PDE11A: variants seen among roughly 807,000 people sequenced by gnomAD.
The protein encoded by PDE11A is phosphodiesterase 11A.
A neutral mutation model predicts 100.5 loss-of-function variants in PDE11A; 100 were observed. That is an observed-to-expected ratio of 1.00 (90% CI 0.85 to 1.18). The LOEUF (loss-of-function observed/expected upper bound fraction) is 1.18. Among genes scored for constraint, PDE11A ranks in the 50% most tolerant of loss-of-function variants. PDE11A has a pLI of 0.00. For synonymous variants in PDE11A, 381 were observed against 420.8 expected (o/e 0.91, Z 1.16); for missense variants, 1,141 against 1,152.6 (o/e 0.99, Z 0.15).
intron 2 of PDE11A, among the ~76,000 whole-genome samples, chr2:177,921,126 A>G (rs935194521): frequency 2.8e-4 from 42 of 151,088 alleles, no homozygotes; most frequent in Admixed American, 2.4e-3. Flanking sequence ...GAAAGAAATC[A>G]TAATGTACAA....
intron 3 of PDE11A, among the ~76,000 whole-genome samples, chr2:177,898,584 T>C (rs1448027671): frequency 1.3e-5 from 2 of 152,168 alleles, no homozygotes; most frequent in East Asian, 3.8e-4. Flanking sequence ...CTTACCAAAA[T>C]TGTTTGGTAA....
chr2:177,964,801 T>C (rs2085678217), intron 2 of PDE11A, among the ~76,000 whole-genome samples: 1 of 152,200 alleles, frequency 6.6e-6, no homozygotes, highest in African/African-American at 2.4e-5. Flanking sequence ...TTCTGTATCT[T>C]TGTTGTTGTG....
intron 2 of PDE11A, among the ~76,000 whole-genome samples, chr2:178,094,157 A>G (rs1316610317): frequency 6.6e-6 from 1 of 151,872 alleles, no homozygotes; most frequent in Admixed American, 6.6e-5. Flanking sequence ...GAAAATACAC[A>G]CAATACACAC....
chr2:177,697,713 G>T (rs1444559070), intron 14 of PDE11A, among the ~76,000 whole-genome samples: 2 of 152,090 alleles, frequency 1.3e-5, no homozygotes, highest in African/African-American at 4.8e-5. Context: ...AATATGTTGT[G>T]CCCACAATTC....
At chr2:177,943,461 T>C (rs2085368335) in intron 2 of PDE11A, among the ~76,000 whole-genome samples, 1 of 152,218 alleles carries the variant, frequency 6.6e-6, no homozygotes, top group African/African-American at 2.4e-5. Flanking sequence ...GGTTTGAATT[T>C]TCATTCCTTT....
chr2:177,848,324 A>G (rs2105641754), intron 5 of PDE11A, among the ~76,000 whole-genome samples: 1 of 152,338 alleles, frequency 6.6e-6, no homozygotes, highest in East Asian at 1.9e-4. Context: ...TAAAAGAAAC[A>G]TAGTTGACAC....
At chr2:178,071,145 T>C (rs2087121852) in intron 1 of PDE11A, among the ~76,000 whole-genome samples, 1 of 152,216 alleles carries the variant, frequency 6.6e-6, no homozygotes, top group Non-Finnish European at 1.5e-5. Flanking sequence ...AACACCGGAA[T>C]TCTGGAGCAC....
chr2:177,735,911 T>G (rs186823963), intron 10 of PDE11A, among the ~76,000 whole-genome samples: 1 of 152,200 alleles, frequency 6.6e-6, no homozygotes, highest in African/African-American at 2.4e-5. Flanking sequence ...AACTTCCCCT[T>G]TGAAGCTCTG....
At chr2:178,108,106 C>T (rs2105892127) in intron 1 of PDE11A, 1 of 152,360 alleles carries the variant, frequency 6.6e-6, no homozygotes, top group Admixed American at 6.5e-5. Flanking sequence ...TTTTACCCAA[C>T]TGAGAGTGCT....
At chr2:177,650,815 C>T (rs959878554) in intron 19 of PDE11A, among the ~76,000 whole-genome samples, 2 of 152,124 alleles carry the variant, frequency 1.3e-5, no homozygotes, top group African/African-American at 4.8e-5. Flanking sequence ...TTTGCTTTCC[C>T]CTCCTACAGA....
intron 2 of PDE11A, among the ~76,000 whole-genome samples, chr2:177,916,651 C>T (rs1301097525): frequency 6.6e-6 from 1 of 152,210 alleles, no homozygotes; most frequent in African/African-American, 2.4e-5. Context: ...TCAAAGTGGG[C>T]TCTCTAGTGC....
rs16865776 is a variant in PDE11A at position 177,769,241 on chromosome 2, C to T, written c.1788+82G>A. 3,786 of 829,176 alleles carry T rather than the reference C, an allele frequency of 4.6e-3. 92 individuals are homozygous for T. In the African/African-American group the frequency reaches 0.055, roughly 12 times the overall value. 51.4% of individuals were successfully genotyped at this position (829,176 alleles called of 1,614,324 possible). On this transcript the variant is annotated intron_variant, in intron 10 of 19. Coordinates refer to ENST00000286063, the MANE Select transcript of PDE11A (RefSeq NM_016953.4). ...CAGCTCCCAATGGGCAGGATTAATTCTCTAGAGGCATGTGACAGAGCTCAG... is the reference window on the plus strand; with the variant it reads ...CAGCTCCCAATGGGCAGGATTAATTTTCTAGAGGCATGTGACAGAGCTCAG...
At chr2:177,850,368 T>A (rs2083680065) in intron 5 of PDE11A, among the ~76,000 whole-genome samples, 1 of 151,808 alleles carries the variant, frequency 6.6e-6, no homozygotes, top group South Asian at 2.1e-4. Context: ...TCCTTACACC[T>A]TATACAAAAA....
intron 18 of PDE11A, among the ~76,000 whole-genome samples, chr2:177,669,111 T>C (rs1296799823): frequency 1.3e-5 from 2 of 152,172 alleles, no homozygotes; most frequent in Non-Finnish European, 2.9e-5. Context: ...AAGTTGGAAA[T>C]TGGAAAATAA....
At chr2:177,644,480 A>G (rs1334885550) in intron 19 of PDE11A, among the ~76,000 whole-genome samples, 1 of 152,192 alleles carries the variant, frequency 6.6e-6, no homozygotes, top group Non-Finnish European at 1.5e-5. Context: ...GGGTGTATTT[A>G]TCAAATGCCT....
At chr2:177,994,693 A>G (rs964262479) in intron 2 of PDE11A, among the ~76,000 whole-genome samples, 7 of 152,216 alleles carry the variant, frequency 4.6e-5, no homozygotes, top group Non-Finnish European at 5.9e-5. Context: ...TAACAATTTG[A>G]AGACAAGAAT....
chr2:177,942,424 CAG>C (rs2085356050), intron 2 of PDE11A, among the ~76,000 whole-genome samples: 1 of 133,122 alleles, frequency 7.5e-6, no homozygotes, highest in African/African-American at 2.7e-5. Flanking sequence ...TTTTTTGAGA[CAG>C]AGTTTTGATC....
chr2:177,780,674 C>G (rs1408186672), intron 9 of PDE11A, among the ~76,000 whole-genome samples: 1 of 152,248 alleles, frequency 6.6e-6, no homozygotes, highest in Non-Finnish European at 1.5e-5. Context: ...TCAGCACTTG[C>G]TGCTTCATCT....
At chr2:177,776,817 A>G (rs1235739152) in intron 9 of PDE11A, among the ~76,000 whole-genome samples, 1 of 152,144 alleles carries the variant, frequency 6.6e-6, no homozygotes, top group Non-Finnish European at 1.5e-5. Flanking sequence ...GCATCCTGAC[A>G]TGGTTTGGCT....
Sources: gnomAD v4.1 joint callset for allele counts (sites outside exome capture counted in the v4.1 genomes callset) on GRCh38, gnomAD v4.1.1 for gene constraint, MANE v1.5 for transcripts, NCBI Gene and HGNC (gene_info 2026-07-23, HGNC 2026-07-21) for gene names.